The following SKAP2 variants were observed in gnomAD, a reference collection of about 807,000 sequenced individuals.
The protein encoded by SKAP2 is src kinase associated phosphoprotein 2.
In SKAP2, 28 loss-of-function variants were observed where a neutral mutation model predicts 54.9. That is an observed-to-expected ratio of 0.51 (90% CI 0.38 to 0.70). The LOEUF is 0.70. Ranked by LOEUF, SKAP2 falls within the 30% of genes least tolerant of loss-of-function variation. SKAP2 has a pLI of 0.00. For synonymous variants in SKAP2, 137 were observed against 134.3 expected, an observed-to-expected ratio of 1.02 and a Z score of -0.14; for missense variants, 356 against 424.1, an observed-to-expected ratio of 0.84 and a Z score of 1.41.
intron 4 of SKAP2, among the ~76,000 whole-genome samples, chr7:26,751,135 T>TTCC (rs2127966447): frequency 6.6e-6 from 1 of 152,284 alleles, no homozygotes; most frequent in African/African-American, 2.4e-5. Context: ...AGAGTTATAA[T>TTCC]GTCTTCTACA....
chr7:26,801,705 T>C (rs1783918678), intron 4 of SKAP2, among the ~76,000 whole-genome samples: 1 of 152,168 alleles, frequency 6.6e-6, no homozygotes, highest in South Asian at 2.1e-4. Context: ...TATTTCTATA[T>C]GTCAACAGTG....
chr7:26,769,201 G>A (rs1783127476), intron 4 of SKAP2, among the ~76,000 whole-genome samples: 1 of 151,884 alleles, frequency 6.6e-6, no homozygotes, highest in South Asian at 2.1e-4. Flanking sequence ...ATTTTGTTAA[G>A]TTCATCTTCA....
intron 4 of SKAP2, among the ~76,000 whole-genome samples, chr7:26,777,368 G>C (rs1783333391): frequency 1.3e-5 from 2 of 151,810 alleles, no homozygotes; most frequent in African/African-American, 4.8e-5. Flanking sequence ...AGAATAAATG[G>C]GGACAAAAAA....
intron 10 of SKAP2, among the ~76,000 whole-genome samples, chr7:26,687,544 A>C (rs141431401): frequency 2.2e-4 from 34 of 152,192 alleles, no homozygotes; most frequent in African/African-American, 7.5e-4. Flanking sequence ...GGGGGAAAAA[A>C]AACCCTGGCA....
At chr7:26,846,302 GA>G (rs1784919472) in intron 3 of SKAP2, among the ~76,000 whole-genome samples, 2 of 151,828 alleles carry the variant, frequency 1.3e-5, no homozygotes, top group Admixed American at 1.3e-4. Flanking sequence ...CAAAGATTTT[GA>G]AAAAAATTCA....
the SKAP2 span, among the ~76,000 whole-genome samples, chr7:26,660,276 A>C: frequency 6.6e-6 from 1 of 152,140 alleles, no homozygotes; most frequent in Non-Finnish European, 1.5e-5. Flanking sequence ...AAAAATAGCA[A>C]TGAAGTGTCA....
In SKAP2 at chr7:26,854,899, T is replaced by C. The variant is rs774957154; in HGVS notation, c.68-9A>G. On this transcript the variant is annotated splice_polypyrimidine_tract_variant and intron_variant, in intron 1 of 12. Coordinates refer to ENST00000345317, the MANE Select transcript of SKAP2 (RefSeq NM_003930.5). Reference sequence around the variant, plus strand: ...TACAAATGTTTCAACATCTAAACCATGCAATATAAGAAACAGGATACAAAT... The same window carrying C: ...TACAAATGTTTCAACATCTAAACCACGCAATATAAGAAACAGGATACAAAT... The C allele has an allele frequency of 6.5e-7, 1 of 1,537,658 alleles. No homozygotes were observed. The highest frequency in any genetic ancestry group is 8.9e-7 in the Non-Finnish European group (1 of 1,124,314).
chr7:26,726,788 T>C (rs1787719088), intron 7 of SKAP2, 94 bp downstream of exon 7: 2 of 976,888 alleles, frequency 2.0e-6, no homozygotes, highest in South Asian at 4.6e-5. Flanking sequence ...ATTGTTAACA[T>C]GTCAAGGAAA....
chr7:26,843,985 T>G (rs1460275704), intron 4 of SKAP2, 45 bp downstream of exon 4: 1 of 1,175,914 alleles, frequency 8.5e-7, no homozygotes, highest in Non-Finnish European at 1.3e-6. Context: ...ATATATAGCA[T>G]TGTTTTGTGT....
chr7:26,747,453 A>C (rs763345006), intron 4 of SKAP2, among the ~76,000 whole-genome samples: 35 of 151,754 alleles, frequency 2.3e-4, no homozygotes, highest in Non-Finnish European at 4.1e-4. Flanking sequence ...AACATCTGCT[A>C]ATCTCCTCCC....
the SKAP2 span, among the ~76,000 whole-genome samples, chr7:26,657,381 G>A: frequency 6.6e-6 from 1 of 152,136 alleles, no homozygotes; most frequent in Admixed American, 6.5e-5. Flanking sequence ...AAACCTTCCT[G>A]CTTCCCATCA....
At chr7:26,735,876 T>C (rs1270199596) in intron 6 of SKAP2, among the ~76,000 whole-genome samples, 1 of 152,160 alleles carries the variant, frequency 6.6e-6, no homozygotes, top group Non-Finnish European at 1.5e-5. Context: ...CAGATCTTTT[T>C]TTGGAGTCCC....
At chr7:26,740,833 A>T (rs1584361911) in intron 4 of SKAP2, among the ~76,000 whole-genome samples, 1 of 152,166 alleles carries the variant, frequency 6.6e-6, no homozygotes, top group African/African-American at 2.4e-5. Flanking sequence ...TAAAACTACA[A>T]AAGAAATTAG....
chr7:26,741,566 AT>A (rs1782455737), intron 4 of SKAP2, among the ~76,000 whole-genome samples: 1 of 86,804 alleles, frequency 1.2e-5, no homozygotes, highest in African/African-American at 4.3e-5. Context: ...AAATAAATAA[AT>A]AAATAAATAA....
rs1786153997 is a variant in SKAP2, at chr7:26,668,393, T to C, written c.*1273A>G. 6.6e-6 allele frequency: 1 copy of C among 152,226 alleles called. No homozygotes were observed. The highest frequency in any genetic ancestry group is 1.5e-5 in the Non-Finnish European group (1 of 68,042). 9.4% of individuals were successfully genotyped at this position (152,226 alleles called of 1,614,324 possible). A position where few individuals can be genotyped will look rare whatever the true frequency, so the allele number is the denominator to read the frequency against. ...TCAAATATACATGAAAAGGTAATTA[T>C]ATGATTCTACAAATCTTGCTCAGGC... On this transcript the variant is annotated 3_prime_UTR_variant, in exon 13 of 13. Coordinates refer to ENST00000345317, the MANE Select transcript of SKAP2 (RefSeq NM_003930.5).
At chr7:26,822,376 T>A (rs549980082) in intron 4 of SKAP2, among the ~76,000 whole-genome samples, 1 of 152,320 alleles carries the variant, frequency 6.6e-6, no homozygotes, top group Non-Finnish European at 1.5e-5. Flanking sequence ...TTATATCTGT[T>A]ATGGTGATCT....
chr7:26,655,974 A>G, the SKAP2 span, among the ~76,000 whole-genome samples: 1 of 152,146 alleles, frequency 6.6e-6, no homozygotes, highest in African/African-American at 2.4e-5. Context: ...CTCTCATTGA[A>G]GATCTTTTAG....
intron 4 of SKAP2, among the ~76,000 whole-genome samples, chr7:26,810,337 G>GA (rs879917845): frequency 7.7e-4 from 114 of 148,922 alleles, no homozygotes; most frequent in Admixed American, 2.1e-3. Context: ...GAAAAAGAAA[G>GA]AAAAAAAAAG....
At chr7:26,658,295 A>C in the SKAP2 span, among the ~76,000 whole-genome samples, 1 of 152,152 alleles carries the variant, frequency 6.6e-6, no homozygotes, top group Admixed American at 6.5e-5. Context: ...TTCAATCAAA[A>C]ACACAGCAGG....
Sources: gnomAD v4.1 joint callset for allele counts (sites outside exome capture counted in the v4.1 genomes callset) on GRCh38, gnomAD v4.1.1 for gene constraint, MANE v1.5 for transcripts, NCBI Gene and HGNC (gene_info 2026-07-23, HGNC 2026-07-21) for gene names.